Variants in MACROD2 observed in about 807,000 individuals in gnomAD.
MACROD2 encodes the protein ADP-ribose glycohydrolase MACROD2.
A neutral mutation model predicts 70.4 loss-of-function variants in MACROD2; 36 were observed. The observed-to-expected ratio is 0.51, with a 90% CI of 0.39 to 0.68. MACROD2 has a LOEUF of 0.68. Ranked by LOEUF, MACROD2 falls within the 30% of genes least tolerant of loss-of-function variation. The probability of loss-of-function intolerance (pLI) is 0.00; values close to 1 mark genes in which losing one functional copy is unlikely to be tolerated. For missense variants in MACROD2, 496 were observed against 538.4 expected (o/e 0.92, Z 0.78); for synonymous variants, 172 against 178.8 (o/e 0.96, Z 0.30).
At chr20:14,784,941 G>A (rs1241169288) in intron 5 of MACROD2, among the ~76,000 whole-genome samples, 2 of 151,780 alleles carry the variant, frequency 1.3e-5, no homozygotes, top group Non-Finnish European at 1.5e-5. Flanking sequence ...GAGAAAACAG[G>A]GCCTGCGGGC....
At chr20:15,629,392 G>T (rs562734576) in intron 8 of MACROD2, among the ~76,000 whole-genome samples, 1 of 152,260 alleles carries the variant, frequency 6.6e-6, no homozygotes, top group East Asian at 1.9e-4. Context: ...AACTCTCTAT[G>T]CCTTCCCAAG....
chr20:15,647,536 C>A (rs190287705), intron 8 of MACROD2, among the ~76,000 whole-genome samples: 186 of 152,208 alleles, frequency 1.2e-3, no homozygotes, highest in African/African-American at 4.4e-3. Flanking sequence ...CTTTATATTT[C>A]TCTTTGATAC....
chr20:14,704,946 T>G (rs2071251495), intron 5 of MACROD2, among the ~76,000 whole-genome samples: 2 of 152,068 alleles, frequency 1.3e-5, no homozygotes, highest in African/African-American at 4.8e-5. Context: ...GAACCTCTCT[T>G]GTGTCTCTCT....
In MACROD2 at chr20:15,925,605, C is replaced by G. The variant is rs542216354; in HGVS notation, c.776-7671C>G. Among the ~76,000 whole-genome samples the G allele has an allele frequency of 5.9e-5, 9 of 152,278 alleles. No homozygotes were observed. The South Asian group carries it at 6.2e-4, about 11-fold the overall frequency. Reference sequence around the variant, plus strand: ...GGTCATACCTTCAATGTTGAAATGCCTCAAAATTCAATCCTTCCACAGGTA... The same window carrying G: ...GGTCATACCTTCAATGTTGAAATGCGTCAAAATTCAATCCTTCCACAGGTA... On this transcript the variant is annotated intron_variant, in intron 10 of 17. Coordinates refer to ENST00000684519, the MANE Select transcript of MACROD2 (RefSeq NM_001351661.2).
chr20:14,952,965 C>T (rs2074487602), intron 5 of MACROD2, among the ~76,000 whole-genome samples: 1 of 151,868 alleles, frequency 6.6e-6, no homozygotes, highest in South Asian at 2.1e-4. Context: ...AGAACAGAGC[C>T]AAAAACTACT....
intron 8 of MACROD2, among the ~76,000 whole-genome samples, chr20:15,508,701 T>C (rs868102178): frequency 3.3e-5 from 5 of 152,126 alleles, no homozygotes; most frequent in African/African-American, 9.7e-5. Context: ...AAAACCAAAA[T>C]AGATTGATTA....
intron 10 of MACROD2, among the ~76,000 whole-genome samples, chr20:15,898,373 A>G (rs899941416): frequency 1.3e-5 from 2 of 151,984 alleles, no homozygotes; most frequent in African/African-American, 2.4e-5. Flanking sequence ...AACATGGTGA[A>G]ACCCCCGTCT....
chr20:15,122,628 T>C (rs2076038791), intron 5 of MACROD2, among the ~76,000 whole-genome samples: 1 of 152,204 alleles, frequency 6.6e-6, no homozygotes, highest in Non-Finnish European at 1.5e-5. Flanking sequence ...GTATTCATTA[T>C]TTTACTCAGA....
chr20:14,914,603 T>C (rs886120189), intron 5 of MACROD2, among the ~76,000 whole-genome samples: 9 of 152,228 alleles, frequency 5.9e-5, no homozygotes, highest in Non-Finnish European at 1.0e-4. Flanking sequence ...GATCCATCCA[T>C]GCATTTTAAT....
chr20:15,208,694 T>G (rs1237667826), intron 5 of MACROD2, among the ~76,000 whole-genome samples: 1 of 152,112 alleles, frequency 6.6e-6, no homozygotes, highest in Non-Finnish European at 1.5e-5. Context: ...AGAGTTGGGA[T>G]TTCAGACCCT....
chr20:15,219,941 A>C (rs2076843336), intron 5 of MACROD2, among the ~76,000 whole-genome samples: 1 of 132,096 alleles, frequency 7.6e-6, no homozygotes, highest in East Asian at 2.2e-4. Context: ...GAATGCACTT[A>C]TTTAATCATC....
At chr20:14,213,534 A>G (rs2081588846) in intron 3 of MACROD2, among the ~76,000 whole-genome samples, 1 of 151,868 alleles carries the variant, frequency 6.6e-6, no homozygotes, top group Admixed American at 6.6e-5. Context: ...AAACCCAAGC[A>G]TAGCAAGCAA....
intron 6 of MACROD2, among the ~76,000 whole-genome samples, chr20:15,354,257 A>G (rs1206148896): frequency 6.6e-6 from 1 of 152,078 alleles, no homozygotes; most frequent in Admixed American, 6.6e-5. Context: ...AGGACAAAAA[A>G]CCAAACACCA....
intron 3 of MACROD2, among the ~76,000 whole-genome samples, chr20:14,356,911 G>A (rs999963925): frequency 6.6e-6 from 1 of 152,182 alleles, no homozygotes; most frequent in East Asian, 1.9e-4. Context: ...TTTTCTCCAA[G>A]TGGGCTTCTT....
At chr20:14,838,114 A>G (rs1231912402) in intron 5 of MACROD2, among the ~76,000 whole-genome samples, 3 of 152,022 alleles carry the variant, frequency 2.0e-5, no homozygotes, top group Non-Finnish European at 4.4e-5. Flanking sequence ...TTGTAAGGCA[A>G]ATATCTTGTT....
chr20:15,549,269 A>G (rs1170089010), intron 8 of MACROD2, among the ~76,000 whole-genome samples: 1 of 152,230 alleles, frequency 6.6e-6, no homozygotes, highest in Non-Finnish European at 1.5e-5. Context: ...TCTGTTTTAA[A>G]CTATAGCTTG....
At chr20:14,343,628 A>C (rs1345752249) in intron 3 of MACROD2, among the ~76,000 whole-genome samples, 1 of 152,218 alleles carries the variant, frequency 6.6e-6, no homozygotes, top group Non-Finnish European at 1.5e-5. Flanking sequence ...CAATTTGAGA[A>C]ATGCTTCTGC....
At chr20:15,606,838 A>C (rs370795254) in intron 8 of MACROD2, among the ~76,000 whole-genome samples, 1 of 152,086 alleles carries the variant, frequency 6.6e-6, no homozygotes, top group Non-Finnish European at 1.5e-5. Context: ...CCCCGTCTCT[A>C]TTAAAAATGC....
intron 2 of MACROD2, among the ~76,000 whole-genome samples, chr20:14,071,329 C>G (rs1459042194): frequency 7.7e-6 from 1 of 130,424 alleles, no homozygotes; most frequent in Admixed American, 9.0e-5. Flanking sequence ...GGCGCGATCT[C>G]AGCTCACTGC....
Sources: allele counts gnomAD v4.1 joint callset (sites outside exome capture counted in the v4.1 genomes callset), GRCh38; gene constraint gnomAD v4.1.1; transcripts MANE v1.5; gene names NCBI Gene and HGNC (gene_info 2026-07-23, HGNC 2026-07-21).